The following FGD5 variants were observed in gnomAD, a reference collection of about 807,000 sequenced individuals.
FGD5 encodes the protein FYVE, RhoGEF and PH domain containing 5.
In FGD5, 28 loss-of-function variants were observed where a neutral mutation model predicts 133.4. That is an observed-to-expected ratio of 0.21 (90% CI 0.16 to 0.29). FGD5 has a LOEUF of 0.29. Ranked by LOEUF, FGD5 falls within the 10% of genes least tolerant of loss-of-function variation. The pLI is 1.00. For synonymous variants in FGD5, 810 were observed against 776.5 expected (o/e 1.04, Z -0.72); for missense variants, 1,858 against 1,895.2 (o/e 0.98, Z 0.36).
chr3:14,818,810 T>G (rs2036421660), upstream of FGD5: 3 of 756,530 alleles, frequency 4.0e-6, no homozygotes, highest in South Asian at 6.0e-5. Flanking sequence ...GTGGAGGGCA[T>G]AAGCCTAAGA....
intron 1 of FGD5, among the ~76,000 whole-genome samples, chr3:14,844,194 TA>T (rs1175876212): frequency 1.4e-5 from 1 of 72,190 alleles, no homozygotes; most frequent in Non-Finnish European, 2.7e-5. Context: ...TCTCACATCT[TA>T]ATAGGCATTA....
At chr3:14,892,396 T>C (rs924519366) in intron 4 of FGD5, among the ~76,000 whole-genome samples, 3 of 152,106 alleles carry the variant, frequency 2.0e-5, no homozygotes, top group African/African-American at 4.8e-5. Context: ...AGTCTCGCCA[T>C]GTTGCCCAGG....
At chr3:14,908,694 G>A (rs1450911095) in intron 10 of FGD5, among the ~76,000 whole-genome samples, 1 of 151,888 alleles carries the variant, frequency 6.6e-6, no homozygotes, top group Non-Finnish European at 1.5e-5. Flanking sequence ...AGATCAGTCT[G>A]GCTAGCATAG....
rs1027983778 is a variant in FGD5 at position 14,933,852 on chromosome 3, T to C, written c.*685T>C. On this transcript the variant is annotated 3_prime_UTR_variant, in exon 20 of 20. Coordinates refer to ENST00000285046, the MANE Select transcript of FGD5 (RefSeq NM_152536.4). ...AGATAGGAAGGGGAGGATTTTCTCC[T>C]CCAGTCGACCTTGTGACCTGTATAC... 2.0e-4 allele frequency: 30 copies of C among 153,026 alleles called. No individual in the cohort carries two copies. The highest frequency in any genetic ancestry group is 7.2e-4 in the African/African-American group (30 of 41,572). 9.5% of individuals were successfully genotyped at this position (153,026 alleles called of 1,614,324 possible).
At position 14,897,544 on chromosome 3, in the gene FGD5, C is replaced by T. The variant is rs533550980; in HGVS notation, c.2784C>T (p.Asp928=). Residue 928 remains aspartate (D), a synonymous_variant, in exon 5 of 20, where the codon GAC becomes GAT. Transcript: ENST00000285046. ...FHGAVMRALD[D]MDHEGRDTLA... is the part of the protein sequence containing the mutation. ...GAGCTGTCATGAGGGCCTTGGATGA[C>T]ATGGACCATGAAGGCAGAGACACAT... The T allele has an allele frequency of 5.3e-4, 848 of 1,605,916 alleles. 12 individuals carry two copies. In the South Asian group the frequency reaches 9.1e-3, roughly 17 times the overall value.
In FGD5 at chr3:14,917,424, C is replaced by G; in HGVS notation, c.3489+92C>G. Reference sequence around the variant, plus strand: ...CATCCTGCTCCCAGGAGCACCCAGACCAGCTGGAAGAGGGAGGCCCTGCGG... The same window carrying G: ...CATCCTGCTCCCAGGAGCACCCAGAGCAGCTGGAAGAGGGAGGCCCTGCGG... On this transcript the variant is annotated intron_variant, in intron 12 of 19. Transcript: ENST00000285046. This position sits in a 1 kb window ranked among gnomAD's most constrained non-coding sequence, Gnocchi z 4.1. The G allele has an allele frequency of 8.3e-7, 1 of 1,198,352 alleles. No individual in the cohort carries two copies. Among genetic ancestry groups the G allele is most frequent in the Non-Finnish European group, 1.2e-6 (1 of 838,874 alleles). The allele number at this position is 1,198,352 out of a possible 1,614,324, so 74.2% of individuals were successfully genotyped here. A position where few individuals can be genotyped will look rare whatever the true frequency, so the allele number is the denominator to read the frequency against.
chr3:14,923,868 A>G (rs2038735150), intron 16 of FGD5, 140 bp from the exon 17 acceptor site: 1 of 1,047,278 alleles, frequency 9.5e-7, no homozygotes, highest in South Asian at 1.5e-5. Flanking sequence ...GGAGGGAGGG[A>G]GGAAGAGTGC....
chr3:14,848,158 C>T (rs1179218391), intron 1 of FGD5, among the ~76,000 whole-genome samples: 1 of 152,132 alleles, frequency 6.6e-6, no homozygotes, highest in Admixed American at 6.5e-5. Context: ...CACTGTGAGC[C>T]CTGAAGACAT....
chr3:14,836,207 CAA>C (rs1036340751), intron 1 of FGD5, among the ~76,000 whole-genome samples: 13 of 152,214 alleles, frequency 8.5e-5, no homozygotes, highest in Non-Finnish European at 1.6e-4. Flanking sequence ...TGAGGGATAA[CAA>C]GAGAGAAGGG....
intron 1 of FGD5, among the ~76,000 whole-genome samples, chr3:14,846,073 G>A (rs991739175): frequency 4.6e-5 from 7 of 152,210 alleles, no homozygotes; most frequent in Non-Finnish European, 1.0e-4. Context: ...TTCCCTATTT[G>A]ATGAAACTTC....
At chr3:14,860,930 G>A (rs1290964976) in intron 1 of FGD5, among the ~76,000 whole-genome samples, 1 of 152,132 alleles carries the variant, frequency 6.6e-6, no homozygotes, top group African/African-American at 2.4e-5. Flanking sequence ...GGTGAGCTAT[G>A]ATCATACCAG....
chr3:14,911,050 G>A (rs2038439738), intron 11 of FGD5, 121 bp downstream of exon 11: 1 of 933,284 alleles, frequency 1.1e-6, no homozygotes, highest in African/African-American at 1.7e-5. Context: ...CAGACATTTG[G>A]GGGTGAGGAT....
chr3:14,899,520 G>C (rs1446718126), intron 7 of FGD5, among the ~76,000 whole-genome samples: 1 of 152,206 alleles, frequency 6.6e-6, no homozygotes, highest in Non-Finnish European at 1.5e-5. Flanking sequence ...TGTAGGCATG[G>C]ATATGTAATT....
chr3:14,857,641 G>C (rs114314354), intron 1 of FGD5, among the ~76,000 whole-genome samples: 67 of 152,296 alleles, frequency 4.4e-4, no homozygotes, highest in African/African-American at 1.5e-3. Context: ...AGGTACTGTA[G>C]AGATGGGGGC....
intron 1 of FGD5, among the ~76,000 whole-genome samples, chr3:14,828,679 G>A (rs943445117): frequency 6.6e-6 from 1 of 152,144 alleles, no homozygotes; most frequent in African/African-American, 2.4e-5. Context: ...TTTTTAGGCT[G>A]GCTGAGGAGA....
chr3:14,835,339 A>G (rs2036796329), intron 1 of FGD5, among the ~76,000 whole-genome samples: 1 of 152,154 alleles, frequency 6.6e-6, no homozygotes, highest in East Asian at 1.9e-4. Context: ...CTCTGCTAAA[A>G]ATACAAAATA....
In FGD5 at chr3:14,820,309, T is replaced by A; in HGVS notation, c.1238T>A (p.Val413Glu). ...GCCGAGGGTCCCGCAGCCCCTGATG[T>A]GGTGGTCGTGCTGGAGGAGGAGGCC... ...GAAEGPAAPD[V>E]VVVLEEEALD... is the part of the protein sequence containing the mutation. Residue 413 changes from valine (V) to glutamate (E), a missense_variant, in exon 1 of 20, where the codon GTG (valine) becomes GAG (glutamate). Transcript: ENST00000285046. 1 of 1,607,548 alleles carries A rather than the reference T, an allele frequency of 6.2e-7. No homozygotes were observed. The highest frequency in any genetic ancestry group is 8.5e-7 in the Non-Finnish European group (1 of 1,176,412).
At chr3:14,824,702 C>G (rs1273818736) in intron 1 of FGD5, among the ~76,000 whole-genome samples, 1 of 152,212 alleles carries the variant, frequency 6.6e-6, no homozygotes, top group Non-Finnish European at 1.5e-5. Flanking sequence ...ACTGCCTATA[C>G]TTTGACTCAT....
At chr3:14,829,503 A>G (rs1018568005) in intron 1 of FGD5, among the ~76,000 whole-genome samples, 4 of 152,172 alleles carry the variant, frequency 2.6e-5, no homozygotes, top group African/African-American at 4.8e-5. Context: ...GTGTTCTGCC[A>G]CCAGGATGTA....
Sources: gnomAD v4.1 joint callset for allele counts (sites outside exome capture counted in the v4.1 genomes callset) on GRCh38, gnomAD v4.1.1 for gene constraint, Gnocchi (gnomAD v3.1) non-coding constraint, MANE v1.5 for transcripts, NCBI Gene and HGNC (gene_info 2026-07-23, HGNC 2026-07-21) for gene names.